The following TMEM17 variants were observed in gnomAD, a reference collection of about 807,000 sequenced individuals.
TMEM17 encodes transmembrane protein 17.
In TMEM17, 15 loss-of-function variants were observed where a neutral mutation model predicts 19.1. The ratio of observed to expected loss-of-function variants is 0.78; its 90% CI spans 0.52 to 1.21. The LOEUF is 1.21. Ranked by LOEUF, TMEM17 falls within the 50% of genes most tolerant of loss-of-function variation. The pLI, the probability that TMEM17 is intolerant of heterozygous loss-of-function variation, is 0.00. For synonymous variants in TMEM17, 103 were observed against 86.9 expected (o/e 1.19, Z -1.03); for missense variants, 245 against 242.3 (o/e 1.01, Z -0.07).
the TMEM17 span, among the ~76,000 whole-genome samples, chr2:62,473,287 C>T: frequency 6.6e-6 from 1 of 152,216 alleles, no homozygotes; most frequent in Non-Finnish European, 1.5e-5. Context: ...GACCCAACCA[C>T]ACCGCCAAAA....
the TMEM17 span, among the ~76,000 whole-genome samples, chr2:62,493,476 C>G: frequency 6.6e-6 from 1 of 152,156 alleles, no homozygotes. Flanking sequence ...AGATTGCTAT[C>G]CTACTTGATC....
At chr2:62,459,050 A>G in the TMEM17 span, among the ~76,000 whole-genome samples, 1 of 152,250 alleles carries the variant, frequency 6.6e-6, no homozygotes, top group African/African-American at 2.4e-5. Flanking sequence ...ATCCAGGAGT[A>G]TAATTTTTGG....
the TMEM17 span, among the ~76,000 whole-genome samples, chr2:62,488,507 A>AAT: frequency 6.6e-6 from 1 of 151,966 alleles, no homozygotes; most frequent in South Asian, 2.1e-4. Flanking sequence ...AAAAAAAAAA[A>AAT]AACTTAGAGA....
chr2:62,467,722 G>T, the TMEM17 span, among the ~76,000 whole-genome samples: 1 of 152,134 alleles, frequency 6.6e-6, no homozygotes, highest in Non-Finnish European at 1.5e-5. Context: ...ATGATTCAGG[G>T]CTGGGAAAGT....
rs1233012979 is a variant in TMEM17, at chr2:62,506,149, T to A, written c.-20A>T. On this transcript the variant is annotated 5_prime_UTR_variant, in exon 1 of 4. Transcript: ENST00000335390. ...CTCCATGCCTGGGCCTCAGTATCCC[T>A]CACCCCCTCAGACACGGGCTAGTCT... 3.1e-6 allele frequency: 5 copies of A among 1,589,998 alleles called. No individual in the cohort carries two copies. The Admixed American group carries it at 8.7e-5, about 28-fold the overall frequency.
chr2:62,504,054 C>T (rs777745925), intron 1 of TMEM17, among the ~76,000 whole-genome samples: 1 of 152,164 alleles, frequency 6.6e-6, no homozygotes, highest in South Asian at 2.1e-4. Flanking sequence ...TTTAAAGGCT[C>T]TAAAATAAAT....
At chr2:62,465,853 G>A in the TMEM17 span, among the ~76,000 whole-genome samples, 458 of 152,282 alleles carry the variant, frequency 3.0e-3, 1 homozygote, top group African/African-American at 0.011. Context: ...TACCCAGTAC[G>A]TTTAGGTGGG....
chr2:62,473,727 G>C, the TMEM17 span, among the ~76,000 whole-genome samples: 1 of 152,182 alleles, frequency 6.6e-6, no homozygotes, highest in Non-Finnish European at 1.5e-5. Flanking sequence ...CCAGGACTGG[G>C]GCTGGTAGGC....
chr2:62,481,881 C>T, the TMEM17 span, among the ~76,000 whole-genome samples: 2 of 152,078 alleles, frequency 1.3e-5, no homozygotes, highest in African/African-American at 4.8e-5. Context: ...AAGCTGGAAC[C>T]TACAAGCATA....
the TMEM17 span, among the ~76,000 whole-genome samples, chr2:62,454,299 T>C: frequency 2.6e-5 from 4 of 152,170 alleles, no homozygotes; most frequent in Non-Finnish European, 5.9e-5. Context: ...GAGGAGCAGA[T>C]TCCATGCCTC....
At chr2:62,498,254 G>C (rs892744072), downstream of TMEM17, among the ~76,000 whole-genome samples, 2 of 152,002 alleles carry the variant, frequency 1.3e-5, no homozygotes, top group Admixed American at 6.6e-5. Flanking sequence ...AGGAATGGTG[G>C]CAGGTGCCTG....
rs1558722731 is a variant in TMEM17 at position 62,501,399 on chromosome 2, T to C, written c.407A>G (p.Asn136Ser). 6.8e-6 allele frequency: 11 copies of C among 1,614,218 alleles called. No homozygotes were observed. Among genetic ancestry groups the C allele is most frequent in the Non-Finnish European group, 9.3e-6 (11 of 1,180,042 alleles). The part of the protein sequence containing the change: ...LFLLFNEGLT[N>S]LPLEKAIHII... ...ATGTATCGCTTTTTCCAAGGGCAGA[T>C]TTGTTAGGCCTTCATTAAAGAGCAA... is the stretch of plus-strand genomic sequence containing the variant. The change falls in exon 4 of 4, where the codon AAT (asparagine) becomes AGT (serine). Residue 136 changes from asparagine to serine, a missense_variant. Asn to Ser is a conservative substitution (Grantham distance 46). Coordinates refer to ENST00000335390, the MANE Select transcript of TMEM17 (RefSeq NM_198276.3).
chr2:62,464,275 C>G, the TMEM17 span, among the ~76,000 whole-genome samples: 1 of 152,218 alleles, frequency 6.6e-6, no homozygotes, highest in Non-Finnish European at 1.5e-5. Flanking sequence ...TGTAACACGC[C>G]CTGTGGGGCT....
At chr2:62,483,979 T>A in the TMEM17 span, among the ~76,000 whole-genome samples, 2 of 152,210 alleles carry the variant, frequency 1.3e-5, no homozygotes, top group Non-Finnish European at 2.9e-5. Context: ...TCTCTATGAC[T>A]AAGTTAAAAT....
chr2:62,488,620 C>T, the TMEM17 span, among the ~76,000 whole-genome samples: 1 of 151,906 alleles, frequency 6.6e-6, no homozygotes, highest in Non-Finnish European at 1.5e-5. Flanking sequence ...ATGTGGTTCT[C>T]CCAATAAGCT....
At chr2:62,484,447 A>C in the TMEM17 span, among the ~76,000 whole-genome samples, 1 of 152,218 alleles carries the variant, frequency 6.6e-6, no homozygotes, top group East Asian at 1.9e-4. Flanking sequence ...ACTATCAGCC[A>C]CAGGAGACTG....
At chr2:62,461,554 G>C in the TMEM17 span, among the ~76,000 whole-genome samples, 1 of 152,144 alleles carries the variant, frequency 6.6e-6, no homozygotes, top group Non-Finnish European at 1.5e-5. Context: ...AAGGTACCTG[G>C]TTTTTTGCAG....
At chr2:62,496,635 AGTT>A (rs900814381), downstream of TMEM17, among the ~76,000 whole-genome samples, 12 of 152,392 alleles carry the variant, frequency 7.9e-5, no homozygotes, top group Admixed American at 2.6e-4. Context: ...ATTTGCTAAT[AGTT>A]GTTATTTTAA....
Position 62,502,471 on chromosome 2 carries a change from A to T in TMEM17, c.284T>A (p.Leu95Ter), listed in dbSNP as rs1440410132. 2 of 1,613,032 alleles carry T rather than the reference A, an allele frequency of 1.2e-6. No homozygotes were observed. The highest frequency in any genetic ancestry group is 1.7e-6 in the Non-Finnish European group (2 of 1,179,036). ...ILITLIEAIR[L>*]YLGYVGNLQE... Reference sequence around the variant, plus strand: ...TAGGTTACCCACGTAGCCCAGATACAACCGGATGGCTTCAATTAAGGTTAT... The same window carrying T: ...TAGGTTACCCACGTAGCCCAGATACTACCGGATGGCTTCAATTAAGGTTAT... The change falls in exon 3 of 4, where the codon TTG becomes TAG. Residue 95 changes from leucine to a stop codon, truncating the protein, a stop_gained. Transcript: ENST00000335390. LOFTEE classifies it high-confidence loss of function.
Sources: gnomAD v4.1 joint callset for allele counts (sites outside exome capture counted in the v4.1 genomes callset) on GRCh38, gnomAD v4.1.1 for gene constraint, MANE v1.5 for transcripts, NCBI Gene and HGNC (gene_info 2026-07-23, HGNC 2026-07-21) for gene names.